Variants in GALK2 observed in about 807,000 individuals in gnomAD.
GALK2 encodes the protein N-acetylgalactosamine kinase.
In GALK2, 36 loss-of-function variants were observed where a neutral mutation model predicts 52.4. The observed-to-expected ratio is 0.69, with a 90% confidence interval of 0.53 to 0.91. The LOEUF (loss-of-function observed/expected upper bound fraction) is 0.91, where lower values mean the gene tolerates loss of function less well. Ranked by LOEUF, GALK2 falls within the 40% of genes least tolerant of loss-of-function variation. The pLI is 0.00. For synonymous variants in GALK2, 176 were observed against 199.1 expected, an observed-to-expected ratio of 0.88 and a Z score of 0.98; for missense variants, 579 against 559.1, an observed-to-expected ratio of 1.04 and a Z score of -0.36.
intron 3 of GALK2, among the ~76,000 whole-genome samples, chr15:49,226,432 C>G (rs2141429246): frequency 6.6e-6 from 1 of 152,262 alleles, no homozygotes; most frequent in Non-Finnish European, 1.5e-5. Context: ...TGTTTTCTGT[C>G]TAAGATTTGC....
chr15:49,199,767 G>A (rs945884527), intron 1 of GALK2, among the ~76,000 whole-genome samples: 4 of 152,254 alleles, frequency 2.6e-5, no homozygotes, highest in African/African-American at 9.6e-5. Flanking sequence ...CTGAAGGTAT[G>A]GAGGAGCAGA....
chr15:49,229,597 T>C (rs930685972), intron 3 of GALK2, among the ~76,000 whole-genome samples: 4 of 152,120 alleles, frequency 2.6e-5, no homozygotes, highest in African/African-American at 9.7e-5. Context: ...CTTAGTACCC[T>C]GGATTGTATG....
chr15:49,291,491 T>C (rs1253994078), intron 7 of GALK2, among the ~76,000 whole-genome samples: 1 of 152,200 alleles, frequency 6.6e-6, no homozygotes, highest in African/African-American at 2.4e-5. Context: ...TCTTGTTTCT[T>C]TTTGCTGCTT....
At chr15:49,195,086 T>A (rs1052276384) in intron 1 of GALK2, 1 of 452,934 alleles carries the variant, frequency 2.2e-6, no homozygotes, top group Admixed American at 2.4e-5. Flanking sequence ...TTATTTGAGA[T>A]GGAGTCTCGC....
At chr15:49,347,069 T>C (rs1038829975) in intron 3 of GALK2, among the ~76,000 whole-genome samples, 1 of 152,246 alleles carries the variant, frequency 6.6e-6, no homozygotes, top group African/African-American at 2.4e-5. Context: ...CCTAGAATTA[T>C]ATGTAAAATA....
At chr15:49,340,980 A>G (rs2040637241) in intron 3 of GALK2, among the ~76,000 whole-genome samples, 1 of 152,200 alleles carries the variant, frequency 6.6e-6, no homozygotes, top group African/African-American at 2.4e-5. Flanking sequence ...TCTTTGGCAT[A>G]TGGCTGGCCA....
At chr15:49,280,855 T>G (rs1424876938) in intron 5 of GALK2, among the ~76,000 whole-genome samples, 2 of 152,202 alleles carry the variant, frequency 1.3e-5, no homozygotes, top group African/African-American at 4.8e-5. Flanking sequence ...TATTTTTTTT[T>G]GAGAAGGGGT....
At chr15:49,289,878 A>G (rs1410165188) in intron 7 of GALK2, among the ~76,000 whole-genome samples, 1 of 152,168 alleles carries the variant, frequency 6.6e-6, no homozygotes, top group Admixed American at 6.5e-5. Flanking sequence ...GCCTCTTTCC[A>G]TGACTGTGGA....
chr15:49,258,996 G>A (rs8030129), intron 5 of GALK2, among the ~76,000 whole-genome samples: 37,755 of 149,402 alleles, frequency 0.25, 5,864 homozygotes, highest in Non-Finnish European at 0.35. Context: ...TGATGGGGTT[G>A]TTTTTTTCTT....
chr15:49,184,751 CACTTCA>C (rs1431198853), intron 1 of GALK2, among the ~76,000 whole-genome samples: 1 of 152,074 alleles, frequency 6.6e-6, no homozygotes. Flanking sequence ...AAACTAATAA[CACTTCA>C]ACTTCATCTA....
At chr15:49,331,938 T>C (rs933145726), downstream of GALK2, 1 of 786,522 alleles carries the variant, frequency 1.3e-6, no homozygotes, top group South Asian at 1.5e-5. Flanking sequence ...AAGAATTTAA[T>C]ATGCTGGGCA....
chr15:49,209,690 T>C (rs1347523115), intron 2 of GALK2, among the ~76,000 whole-genome samples: 2 of 152,214 alleles, frequency 1.3e-5, no homozygotes, highest in African/African-American at 2.4e-5. Context: ...TAATCCCACT[T>C]GATCATGGTA....
chr15:49,165,195 AG>A (rs2084781520), intron 1 of GALK2, among the ~76,000 whole-genome samples: 1 of 152,232 alleles, frequency 6.6e-6, no homozygotes, highest in South Asian at 2.1e-4. Flanking sequence ...ACAGGTAATA[AG>A]TATAAAAATC....
At chr15:49,248,840 C>T (rs576646110) in intron 5 of GALK2, among the ~76,000 whole-genome samples, 1 of 152,090 alleles carries the variant, frequency 6.6e-6, no homozygotes, top group East Asian at 1.9e-4. Context: ...TTAGCGTAAA[C>T]GAAGGCAAAC....
intron 5 of GALK2, among the ~76,000 whole-genome samples, chr15:49,250,188 G>A (rs536150156): frequency 7.2e-5 from 11 of 152,224 alleles, no homozygotes; most frequent in South Asian, 2.1e-4. Context: ...TTATGGCACC[G>A]GGGAACAAGC....
At chr15:49,246,674 C>T (rs1244930381) in intron 5 of GALK2, among the ~76,000 whole-genome samples, 1 of 152,098 alleles carries the variant, frequency 6.6e-6, no homozygotes, top group Non-Finnish European at 1.5e-5. Flanking sequence ...GACATAAAAC[C>T]TTCCTTTGAG....
chr15:49,249,347 CT>C (rs1453771545), intron 5 of GALK2, among the ~76,000 whole-genome samples: 1 of 152,172 alleles, frequency 6.6e-6, no homozygotes, highest in African/African-American at 2.4e-5. Context: ...ACTTTGTCCC[CT>C]CTGTGGCCAA....
At chr15:49,299,784 T>TTTCCTTCC (rs1555428415) in intron 8 of GALK2, among the ~76,000 whole-genome samples, 16 of 140,270 alleles carry the variant, frequency 1.1e-4, no homozygotes, top group African/African-American at 4.1e-4. Context: ...TCTTTCTTTC[T>TTTCCTTCC]TTCTTTCTTT....
intron 5 of GALK2, among the ~76,000 whole-genome samples, chr15:49,260,942 C>G (rs2092075164): frequency 6.6e-6 from 1 of 151,998 alleles, no homozygotes; most frequent in Non-Finnish European, 1.5e-5. Flanking sequence ...GTTTCGGTAC[C>G]AGTACCATGC....
Sources: allele counts gnomAD v4.1 joint callset (sites outside exome capture counted in the v4.1 genomes callset), GRCh38; gene constraint gnomAD v4.1.1; transcripts MANE v1.5; gene names NCBI Gene and HGNC (gene_info 2026-07-23, HGNC 2026-07-21).